The following PLCB1 variants were observed in gnomAD, a reference collection of about 807,000 sequenced individuals.
The protein encoded by PLCB1 is 1-phosphatidylinositol 4,5-bisphosphate phosphodiesterase beta-1.
A neutral mutation model predicts 161.8 loss-of-function variants in PLCB1; 46 were observed. The observed-to-expected ratio is 0.28, with a 90% confidence interval of 0.22 to 0.36. The LOEUF is 0.36. PLCB1 is among the 10% of genes least tolerant of loss of function. The pLI, the probability that PLCB1 is intolerant of heterozygous loss-of-function variation, is 1.00. For missense variants in PLCB1, 1,016 were observed against 1,472.5 expected, an observed-to-expected ratio of 0.69 and a Z score of 5.07; for synonymous variants, 517 against 503.7, an observed-to-expected ratio of 1.03 and a Z score of -0.35.
intron 18 of PLCB1, among the ~76,000 whole-genome samples, chr20:8,730,431 A>G (rs1162011918): frequency 6.6e-6 from 1 of 151,548 alleles, no homozygotes; most frequent in Non-Finnish European, 1.5e-5. Flanking sequence ...TTCACTTTGT[A>G]TCTTTTCCAT....
intron 2 of PLCB1, among the ~76,000 whole-genome samples, chr20:8,310,042 A>G (rs1385324912): frequency 6.6e-6 from 1 of 151,168 alleles, no homozygotes; most frequent in African/African-American, 2.4e-5. Flanking sequence ...TTTTTCAACT[A>G]TCTTTTAATC....
intron 26 of PLCB1, among the ~76,000 whole-genome samples, chr20:8,768,809 A>G (rs1026887036): frequency 2.6e-5 from 4 of 152,232 alleles, no homozygotes; most frequent in Non-Finnish European, 4.4e-5. Flanking sequence ...TCTGGTCCGT[A>G]TACTTATAAT....
chr20:8,281,997 A>T (rs543420344), intron 2 of PLCB1, among the ~76,000 whole-genome samples: 2 of 152,178 alleles, frequency 1.3e-5, no homozygotes, highest in African/African-American at 4.8e-5. Flanking sequence ...TTAAAAAAAA[A>T]TTTTAAATCA....
intron 10 of PLCB1, among the ~76,000 whole-genome samples, chr20:8,689,404 G>A (rs1600253109): frequency 6.6e-6 from 1 of 152,062 alleles, no homozygotes; most frequent in Non-Finnish European, 1.5e-5. Context: ...GTGAGAGTGG[G>A]CATCCTTGTT....
chr20:8,707,541 T>G (rs1022997415), intron 11 of PLCB1, among the ~76,000 whole-genome samples: 1 of 152,176 alleles, frequency 6.6e-6, no homozygotes, highest in African/African-American at 2.4e-5. Context: ...CATTGAAATC[T>G]GGTCCTGCAT....
At chr20:8,165,746 G>A (rs1313063123) in intron 2 of PLCB1, among the ~76,000 whole-genome samples, 1 of 152,110 alleles carries the variant, frequency 6.6e-6, no homozygotes, top group Non-Finnish European at 1.5e-5. Context: ...GATCTGTCAG[G>A]TCCAAAGCCA....
chr20:8,278,732 A>C (rs1466132320), intron 2 of PLCB1, among the ~76,000 whole-genome samples: 2 of 152,128 alleles, frequency 1.3e-5, no homozygotes, highest in African/African-American at 2.4e-5. Context: ...TAGGGTGAAG[A>C]TTGGTGTAAA....
intron 7 of PLCB1, 170 bp downstream of exon 7, chr20:8,649,619 G>T: frequency 1.7e-6 from 1 of 581,886 alleles, no homozygotes; most frequent in East Asian, 2.8e-5. Context: ...AGAGGAACTG[G>T]TGGCTTTATA....
chr20:8,143,950 C>T (rs912258961), intron 1 of PLCB1, among the ~76,000 whole-genome samples: 5 of 152,154 alleles, frequency 3.3e-5, no homozygotes, highest in African/African-American at 9.7e-5. Context: ...CAGTATCCCT[C>T]GCTCTAGATA....
At chr20:8,669,971 C>T (rs1989904761) in intron 9 of PLCB1, among the ~76,000 whole-genome samples, 1 of 152,158 alleles carries the variant, frequency 6.6e-6, no homozygotes, top group South Asian at 2.1e-4. Flanking sequence ...TTTTTCCTCC[C>T]TTGCATTACG....
At chr20:8,276,929 CTTCTTCTTCTTCTTCTTCTT>C (rs1982580171) in intron 2 of PLCB1, among the ~76,000 whole-genome samples, 1 of 18,446 alleles carries the variant, frequency 5.4e-5, no homozygotes, top group Admixed American at 6.3e-4. Flanking sequence ...TTCTTCTTTT[CTTCTTCTTCTTCTTCTTCTT>C]CTTCTTCTTC....
At chr20:8,622,479 C>T (rs576867341) in intron 3 of PLCB1, among the ~76,000 whole-genome samples, 10 of 152,028 alleles carry the variant, frequency 6.6e-5, no homozygotes, top group East Asian at 1.9e-4. Flanking sequence ...GAATGTTTTC[C>T]GGCTATGGAA....
intron 3 of PLCB1, among the ~76,000 whole-genome samples, chr20:8,619,467 T>A (rs1436161852): frequency 6.6e-6 from 1 of 151,958 alleles, no homozygotes; most frequent in Non-Finnish European, 1.5e-5. Context: ...TAAGCTAACA[T>A]TTATTTCACT....
chr20:8,511,306 G>C (rs1181004876), intron 3 of PLCB1, among the ~76,000 whole-genome samples: 2 of 151,938 alleles, frequency 1.3e-5, no homozygotes, highest in Non-Finnish European at 2.9e-5. Context: ...GACAGAATTT[G>C]CTTCTTTTTT....
intron 2 of PLCB1, among the ~76,000 whole-genome samples, chr20:8,258,195 T>C (rs1248116579): frequency 2.0e-5 from 3 of 152,208 alleles, no homozygotes; most frequent in African/African-American, 7.2e-5. Context: ...TCTTTACTCT[T>C]GTAATATGCC....
At chr20:8,279,302 GC>G (rs1398338344) in intron 2 of PLCB1, among the ~76,000 whole-genome samples, 7 of 152,110 alleles carry the variant, frequency 4.6e-5, no homozygotes, top group Non-Finnish European at 8.8e-5. Flanking sequence ...CCTTAAAAAA[GC>G]CATGAAAGTC....
At chr20:8,582,294 C>A (rs1040176713) in intron 3 of PLCB1, among the ~76,000 whole-genome samples, 1 of 152,182 alleles carries the variant, frequency 6.6e-6, no homozygotes, top group Admixed American at 6.5e-5. Context: ...GAATTGTCCT[C>A]AGCCAACAGG....
chr20:8,760,399 T>C lies in PLCB1; in HGVS notation c.2657-8T>C, dbSNP rs771840882. 3.8e-6 allele frequency: 6 copies of C among 1,578,552 alleles called. No individual in the cohort carries two copies. Among genetic ancestry groups the C allele is most frequent in the South Asian group, 1.1e-5 (1 of 89,442 alleles). ...AAGAGGCTATTTATTTTATCTTTTA[T>C]ATTACAGGTTCTGTAAAGGCACCTG... On this transcript the variant is annotated splice_region_variant and splice_polypyrimidine_tract_variant and intron_variant, in intron 24 of 31. Coordinates refer to ENST00000338037, the MANE Select transcript of PLCB1 (RefSeq NM_015192.4).
chr20:8,576,318 T>G (rs1175843900), intron 3 of PLCB1, among the ~76,000 whole-genome samples: 1 of 152,192 alleles, frequency 6.6e-6, no homozygotes, highest in African/African-American at 2.4e-5. Flanking sequence ...GAGCCCATTT[T>G]TGTTATTGAT....
Sources: gnomAD v4.1 joint callset for allele counts (sites outside exome capture counted in the v4.1 genomes callset) on GRCh38, gnomAD v4.1.1 for gene constraint, MANE v1.5 for transcripts, NCBI Gene and HGNC (gene_info 2026-07-23, HGNC 2026-07-21) for gene names.